Variants in FLOT1 observed in about 807,000 individuals in gnomAD.
FLOT1 encodes the protein flotillin-1.
A neutral mutation model predicts 58.4 loss-of-function variants in FLOT1; 40 were observed. The ratio of observed to expected loss-of-function variants is 0.69; its 90% CI spans 0.53 to 0.89. FLOT1 has a LOEUF of 0.89. Ranked by LOEUF, FLOT1 falls within the 40% of genes least tolerant of loss-of-function variation. The probability of loss-of-function intolerance (pLI) is 0.00; values close to 1 mark genes in which losing one functional copy is unlikely to be tolerated. For synonymous variants in FLOT1, 178 were observed against 204.2 expected, an observed-to-expected ratio of 0.87 and a Z score of 1.09; for missense variants, 423 against 540.8, an observed-to-expected ratio of 0.78 and a Z score of 2.16.
At chr6:30,728,493 G>A (rs62408685) in intron 12 of FLOT1, among the ~76,000 whole-genome samples, 1 of 147,690 alleles carries the variant, frequency 6.8e-6, no homozygotes, top group Non-Finnish European at 1.5e-5. Context: ...TTTTTGAGAC[G>A]GAATCTCACT....
At chr6:30,729,889 GT>G (rs3217085) in intron 12 of FLOT1, 132 bp downstream of exon 12, 18,637 of 748,062 alleles carry the variant, frequency 0.025, 718 homozygotes, top group East Asian at 0.14. Flanking sequence ...GCTTAGCACT[GT>G]GTCTGGCACA....
chr6:30,742,120 G>A lies in FLOT1; in HGVS notation c.43+27C>T. 1 of 1,610,786 alleles carries A rather than the reference G, an allele frequency of 6.2e-7. No homozygotes were observed. Among genetic ancestry groups the A allele is most frequent in the Non-Finnish European group, 8.5e-7 (1 of 1,178,534 alleles). On this transcript the variant is annotated intron_variant, in intron 2 of 12. Coordinates refer to ENST00000376389, the MANE Select transcript of FLOT1 (RefSeq NM_005803.4). This position sits in a 1 kb window ranked among gnomAD's most constrained non-coding sequence, Gnocchi z 5.2. ...GACTCACAGGGGTTCTGGGGTCACT[G>A]GCTGGGAAGGGAACAACAGTACTTA...
At chr6:30,739,192 A>G (rs74515521) in intron 8 of FLOT1, among the ~76,000 whole-genome samples, 11,320 of 152,186 alleles carry the variant, frequency 0.074, 686 homozygotes, top group African/African-American at 0.16. Flanking sequence ...CCTCTGTGCA[A>G]ATCAGAAATT....
rs34375360 is a variant in FLOT1 at position 30,740,834 on chromosome 6, G to GTTTT, written c.355-40_355-37dup. ...AGGATGGTGGGGAGAAGGGATGTAA[G>GTTTT]TTTTTTTTTTTTTTTTTTTTTTGCT... On this transcript the variant is annotated intron_variant, in intron 5 of 12. Coordinates refer to ENST00000376389, the MANE Select transcript of FLOT1 (RefSeq NM_005803.4). The GTTTT allele has an allele frequency of 1.7e-3, 2,240 of 1,309,202 alleles. 1 individual carries two copies. Among genetic ancestry groups the GTTTT allele is most frequent in the South Asian group, 6.4e-3 (401 of 63,050 alleles). The allele number at this position is 1,309,202 out of a possible 1,614,324, so 81.1% of individuals were successfully genotyped here. A position where few individuals can be genotyped will look rare whatever the true frequency, so the allele number is the denominator to read the frequency against.
At chr6:30,733,675 A>G (rs1321057992) in intron 8 of FLOT1, among the ~76,000 whole-genome samples, 1 of 146,902 alleles carries the variant, frequency 6.8e-6, no homozygotes, top group African/African-American at 2.5e-5. Context: ...CAGGAGGCAG[A>G]GGTTGCAGTA....
In FLOT1 at chr6:30,737,728, T is replaced by A. The variant is rs546763196; in HGVS notation, c.723+2430A>T. Among the ~76,000 whole-genome samples, 1 of 152,292 alleles carries A rather than the reference T, an allele frequency of 6.6e-6. No homozygotes were observed. The highest frequency in any genetic ancestry group is 2.4e-5 in the African/African-American group (1 of 41,568). On this transcript the variant is annotated intron_variant, in intron 8 of 12. Transcript: ENST00000376389. The surrounding 1 kb of genome is among the most constrained non-coding windows in gnomAD (Gnocchi z 4.4). ...AACTCCCCTCCCACAGTTTTTCACA[T>A]CACCCTGTTTATTTCCTTCACAGCA...
chr6:30,730,663 G>T lies in FLOT1; in HGVS notation c.951+19C>A, dbSNP rs1332382618. Reference sequence around the variant, plus strand: ...CCCACCCTCTCCACAAGCCAGCATGGAACTGCCTCTTAACTCACCCGCACA... The same window carrying T: ...CCCACCCTCTCCACAAGCCAGCATGTAACTGCCTCTTAACTCACCCGCACA... On this transcript the variant is annotated intron_variant, in intron 10 of 12. Transcript: ENST00000376389. 6.2e-7 allele frequency: 1 copy of T among 1,613,758 alleles called. No homozygotes were observed. Among genetic ancestry groups the T allele is most frequent in the Non-Finnish European group, 8.5e-7 (1 of 1,180,024 alleles).
Position 30,741,871 on chromosome 6 carries a change from C to T in FLOT1, c.44-4G>A, listed in dbSNP as rs1249704869. On this transcript the variant is annotated splice_polypyrimidine_tract_variant and splice_region_variant and intron_variant, in intron 2 of 12. Coordinates refer to ENST00000376389, the MANE Select transcript of FLOT1 (RefSeq NM_005803.4). This position sits in a 1 kb window ranked among gnomAD's most constrained non-coding sequence, Gnocchi z 5.9. ...ACTGGGGGGCTTCGGCAGAACCCTG[C>T]AAGGTGTGGGGCAGTGAGGAACGGT... The T allele has an allele frequency of 2.5e-6, 4 of 1,612,174 alleles. No individual in the cohort carries two copies. Among genetic ancestry groups the T allele is most frequent in the Non-Finnish European group, 3.4e-6 (4 of 1,179,880 alleles).
Position 30,740,999 on chromosome 6 carries a change from C to T in FLOT1, c.354+191G>A, listed in dbSNP as rs930177994. 1.8e-5 allele frequency: 19 copies of T among 1,072,794 alleles called. No homozygotes were observed. The Admixed American group carries it at 4.3e-4, about 24-fold the overall frequency. The allele number at this position is 1,072,794 out of a possible 1,614,324, so 66.5% of individuals were successfully genotyped here. ...AAGGGGTTTCACCAGGTTGGCTAGG[C>T]TGGTCTCGAACTCCTGACCTCAAGT... On this transcript the variant is annotated intron_variant, in intron 5 of 12. Coordinates refer to ENST00000376389, the MANE Select transcript of FLOT1 (RefSeq NM_005803.4).
chr6:30,733,079 A>G (rs1022876460), intron 8 of FLOT1, among the ~76,000 whole-genome samples: 1 of 152,102 alleles, frequency 6.6e-6, no homozygotes, highest in Non-Finnish European at 1.5e-5. Context: ...CTTGGCACCC[A>G]GGCTGGAGTG....
Position 30,739,749 on chromosome 6 carries a change from C to A in FLOT1, c.723+409G>T, listed in dbSNP as rs146441167. 1.7e-3 allele frequency among the ~76,000 whole-genome samples: 251 copies of A among 152,054 alleles called. 1 individual carries two copies. The highest frequency in any genetic ancestry group is 2.6e-3 in the Non-Finnish European group (180 of 67,986). On this transcript the variant is annotated intron_variant, in intron 8 of 12. Coordinates refer to ENST00000376389, the MANE Select transcript of FLOT1 (RefSeq NM_005803.4). ...TGTGATCTCGACTCACTGCAACCTG[C>A]GCATCCTGGCTCAAGCAATCCTCCT... is the stretch of plus-strand genomic sequence containing the variant.
Position 30,742,192 on chromosome 6 carries a change from T to C in FLOT1, c.-3A>G. 6.2e-7 allele frequency: 1 copy of C among 1,612,900 alleles called. No homozygotes were observed. On this transcript the variant is annotated 5_prime_UTR_variant, in exon 2 of 13. Transcript: ENST00000376389. This position sits in a 1 kb window ranked among gnomAD's most constrained non-coding sequence, Gnocchi z 5.2. ...TTTGGGCCACAAGTGAAAAACATGG[T>C]TCAGGCTGGAGCTGGAGGAGAGGGA...
Position 30,731,115 on chromosome 6 carries a change from G to A in FLOT1, c.724-15C>T. 1.9e-6 allele frequency: 3 copies of A among 1,587,844 alleles called. No homozygotes were observed. Among genetic ancestry groups the A allele is most frequent in the Non-Finnish European group, 2.6e-6 (3 of 1,167,904 alleles). ...GTCTTGGCCACCTGGGTAGGAGGGT[G>A]AAGTCAGGTTCACGCTCTGAGTCAG... On this transcript the variant is annotated splice_polypyrimidine_tract_variant and intron_variant, in intron 8 of 12. Coordinates refer to ENST00000376389, the MANE Select transcript of FLOT1 (RefSeq NM_005803.4).
Position 30,741,764 on chromosome 6 carries a change from C to A in FLOT1, c.119+28G>T. On this transcript the variant is annotated intron_variant, in intron 3 of 12. Transcript: ENST00000376389. The surrounding 1 kb of genome is among the most constrained non-coding windows in gnomAD (Gnocchi z 5.9). ...GGAGGAAAAAGAGAAAACGGAGGTC[C>A]CCCTTCCCTGGTTCCCTTCTTGCCT... is the stretch of plus-strand genomic sequence containing the variant. The A allele has an allele frequency of 1.9e-6, 3 of 1,611,454 alleles. No homozygotes were observed. The highest frequency in any genetic ancestry group is 2.5e-6 in the Non-Finnish European group (3 of 1,178,554).
intron 8 of FLOT1, among the ~76,000 whole-genome samples, chr6:30,738,250 AGCT>A (rs1257931655): frequency 2.6e-5 from 4 of 152,218 alleles, no homozygotes; most frequent in Non-Finnish European, 5.9e-5. Flanking sequence ...GTGATGCTGC[AGCT>A]GCTGCTGGGT....
Position 30,731,464 on chromosome 6 carries a change from AAC to A in FLOT1, c.724-366_724-365del, listed in dbSNP as rs199996268. ...CACGCCACTGCACTCCACCCTGGGC[AAC>A]AGAGTAAGACTCCATCTCCAAAAAA... On this transcript the variant is annotated intron_variant, in intron 8 of 12. Coordinates refer to ENST00000376389, the MANE Select transcript of FLOT1 (RefSeq NM_005803.4). Among the ~76,000 whole-genome samples, 839 of 149,426 alleles carry A rather than the reference AAC, an allele frequency of 5.6e-3. 18 individuals are homozygous for A. The highest frequency in any genetic ancestry group is 0.03 in the Admixed American group (453 of 14,896).
At chr6:30,731,246 A>G (rs1777171874) in intron 8 of FLOT1, 146 bp from the exon 9 acceptor site, 10 of 697,796 alleles carry the variant, frequency 1.4e-5, no homozygotes, top group Non-Finnish European at 2.1e-5. Context: ...GCGCTTTGGG[A>G]GGCCAAGGAG....
Position 30,730,633 on chromosome 6 carries a change from C to CA in FLOT1, c.951+48dup, listed in dbSNP as rs775813361. 4 of 1,613,810 alleles carry CA rather than the reference C, an allele frequency of 2.5e-6. No homozygotes were observed. In the South Asian group the frequency reaches 4.4e-5, roughly 18 times the overall value. On this transcript the variant is annotated intron_variant, in intron 10 of 12. Coordinates refer to ENST00000376389, the MANE Select transcript of FLOT1 (RefSeq NM_005803.4). ...GAACAAGAAATCCCCGATCAAGCAG[C>CA]AACCCCCACCCTCTCCACAAGCCAG...
chr6:30,730,023 T>C lies in FLOT1; in HGVS notation c.1253A>G (p.Gln418Arg). 1.2e-6 allele frequency: 2 copies of C among 1,612,952 alleles called. No individual in the cohort carries two copies. Among genetic ancestry groups the C allele is most frequent in the Non-Finnish European group, 1.7e-6 (2 of 1,179,974 alleles). Residue 418 changes from glutamine (Q) to arginine (R), a missense_variant and splice_region_variant, in exon 12 of 13, where the codon CAG (glutamine) becomes CGG (arginine). Coordinates refer to ENST00000376389, the MANE Select transcript of FLOT1 (RefSeq NM_005803.4). ...CTCAGCTCCAACCTGAGACCTCACC[T>C]GGGAGATGCTCACGCCTGTGAGTCT... ...VERLTGVSIS[Q>R]VNHKPLRTA
Sources: allele counts gnomAD v4.1 joint callset (sites outside exome capture counted in the v4.1 genomes callset), GRCh38; gene constraint gnomAD v4.1.1; non-coding constraint Gnocchi (gnomAD v3.1); transcripts MANE v1.5; gene names NCBI Gene and HGNC (gene_info 2026-07-23, HGNC 2026-07-21).